COMMD1: variants seen among roughly 807,000 people sequenced by gnomAD.
COMMD1 encodes the protein copper metabolism domain containing 1.
A neutral mutation model predicts 17.2 loss-of-function variants in COMMD1; 10 were observed. The ratio of observed to expected loss-of-function variants is 0.58; its 90% confidence interval spans 0.36 to 0.99. The LOEUF (loss-of-function observed/expected upper bound fraction) is 0.99. COMMD1 is among the 50% of genes least tolerant of loss of function. COMMD1 has a pLI of 0.01. For missense variants in COMMD1, 270 were observed against 231.8 expected (o/e 1.17, Z -1.07); for synonymous variants, 97 against 91.6 (o/e 1.06, Z -0.34).
chr2:61,904,306 C>T (rs114477326), upstream of COMMD1, among the ~76,000 whole-genome samples: 1,086 of 152,272 alleles, frequency 7.1e-3, 14 homozygotes, highest in African/African-American at 0.024. Flanking sequence ...CCACCGTGCC[C>T]GGCAACACAA....
In COMMD1 at chr2:61,944,582, A is replaced by C. The variant is rs558369331; in HGVS notation, c.180+38724A>C. 3.3e-5 allele frequency among the ~76,000 whole-genome samples: 5 copies of C among 152,258 alleles called. No individual in the cohort carries two copies. The South Asian group carries it at 1.0e-3, about 32-fold the overall frequency. ...CACTTCCTGTAAACTGTCCTCAGCCACTCTTAACTTTGTAGCTCTCATCTG... is the reference window on the plus strand; with the variant it reads ...CACTTCCTGTAAACTGTCCTCAGCCCCTCTTAACTTTGTAGCTCTCATCTG... On this transcript the variant is annotated intron_variant, in intron 1 of 2. Transcript: ENST00000311832.
chr2:61,956,980 A>G (rs1254217308), intron 1 of COMMD1, among the ~76,000 whole-genome samples: 1 of 151,010 alleles, frequency 6.6e-6, no homozygotes, highest in Non-Finnish European at 1.5e-5. Flanking sequence ...CGAACTCCTG[A>G]CCTCAAGTGA....
At chr2:61,942,586 C>G (rs1670781094) in intron 1 of COMMD1, among the ~76,000 whole-genome samples, 1 of 133,532 alleles carries the variant, frequency 7.5e-6, no homozygotes, top group Admixed American at 8.6e-5. Flanking sequence ...GTTGCCCAGG[C>G]TGAAGGGCAG....
chr2:62,021,819 A>G (rs900400011), intron 2 of COMMD1, among the ~76,000 whole-genome samples: 36 of 152,206 alleles, frequency 2.4e-4, no homozygotes, highest in Non-Finnish European at 8.8e-5. Context: ...CATGCTTTCA[A>G]AAATTGGCTT....
At chr2:61,905,912 C>CT in intron 1 of COMMD1, 54 bp downstream of exon 1, 2 of 1,566,248 alleles carry the variant, frequency 1.3e-6, no homozygotes, top group Admixed American at 3.4e-5. Flanking sequence ...TGGCCGCTGG[C>CT]TTCAGACTCT....
chr2:61,888,646 A>C, upstream of COMMD1: 2 of 995,646 alleles, frequency 2.0e-6, 1 homozygote, highest in Non-Finnish European at 2.8e-6. Flanking sequence ...GAGGAGGCGG[A>C]GGCGGAGAAG....
At chr2:61,891,578 A>G (rs1159996832) in intron 1 of COMMD1, among the ~76,000 whole-genome samples, 4 of 151,902 alleles carry the variant, frequency 2.6e-5, no homozygotes, top group Non-Finnish European at 5.9e-5. Context: ...AAATACAAAA[A>G]TTAGCCAGGC....
intron 1 of COMMD1, among the ~76,000 whole-genome samples, chr2:61,943,272 C>G (rs1258961163): frequency 6.6e-6 from 1 of 152,218 alleles, no homozygotes; most frequent in Non-Finnish European, 1.5e-5. Flanking sequence ...CCTTCCATTA[C>G]ACAACCACTT....
intron 1 of COMMD1, among the ~76,000 whole-genome samples, chr2:61,991,068 TGA>T (rs1484626674): frequency 6.6e-6 from 1 of 151,546 alleles, no homozygotes; most frequent in African/African-American, 2.4e-5. Flanking sequence ...TCCAGCTGGG[TGA>T]GAGAGGAAGA....
chr2:61,927,921 C>T (rs1264727735), intron 1 of COMMD1, among the ~76,000 whole-genome samples: 3 of 152,126 alleles, frequency 2.0e-5, no homozygotes, highest in African/African-American at 4.8e-5. Flanking sequence ...CATGCCACCA[C>T]GCCTGGCTAA....
At chr2:61,960,048 G>A (rs1671298023) in intron 1 of COMMD1, among the ~76,000 whole-genome samples, 1 of 152,194 alleles carries the variant, frequency 6.6e-6, no homozygotes, top group Admixed American at 6.5e-5. Context: ...ATGGACTATG[G>A]ACTGGGGCTT....
chr2:62,066,241 T>TC (rs924961376), intron 2 of COMMD1, among the ~76,000 whole-genome samples: 4 of 152,014 alleles, frequency 2.6e-5, no homozygotes, highest in Non-Finnish European at 4.4e-5. Context: ...ACTTTTTTTT[T>TC]CCCCCACTAC....
intron 1 of COMMD1, among the ~76,000 whole-genome samples, chr2:61,908,919 TTTTTG>T (rs1284374123): frequency 6.6e-6 from 1 of 152,142 alleles, no homozygotes; most frequent in African/African-American, 2.4e-5. Flanking sequence ...TTTTAATTTA[TTTTTG>T]TTTTAATATT....
chr2:61,956,292 A>G (rs920566843), intron 1 of COMMD1, among the ~76,000 whole-genome samples: 2 of 152,234 alleles, frequency 1.3e-5, no homozygotes, highest in South Asian at 4.1e-4. Context: ...TTATTTCTGG[A>G]CTGTGAATTC....
At chr2:61,919,104 CA>C (rs1471946136) in intron 1 of COMMD1, among the ~76,000 whole-genome samples, 5 of 151,158 alleles carry the variant, frequency 3.3e-5, no homozygotes, top group Non-Finnish European at 7.4e-5. Context: ...CTCTGCCTCT[CA>C]GGTTTAAGCG....
intron 1 of COMMD1, among the ~76,000 whole-genome samples, chr2:61,906,926 T>G (rs1310596694): frequency 6.6e-6 from 1 of 152,234 alleles, no homozygotes; most frequent in East Asian, 1.9e-4. Context: ...TGTATTTTTT[T>G]AAACTGATTT....
At chr2:62,005,956 C>T (rs1281932412) in intron 2 of COMMD1, among the ~76,000 whole-genome samples, 1 of 151,660 alleles carries the variant, frequency 6.6e-6, no homozygotes, top group African/African-American at 2.4e-5. Flanking sequence ...AAATGTCCAA[C>T]AATGATAGAC....
At chr2:62,080,744 C>T (rs1042925145) in intron 2 of COMMD1, among the ~76,000 whole-genome samples, 29 of 150,590 alleles carry the variant, frequency 1.9e-4, no homozygotes, top group African/African-American at 7.1e-4. Context: ...CCTGCAAATA[C>T]AAACATAATC....
At chr2:61,910,376 T>C (rs1390341232) in intron 1 of COMMD1, among the ~76,000 whole-genome samples, 1 of 151,662 alleles carries the variant, frequency 6.6e-6, no homozygotes, top group Non-Finnish European at 1.5e-5. Context: ...ACCTCCTGAG[T>C]AGCTGGGATT....
Sources: gnomAD v4.1 joint callset for allele counts (sites outside exome capture counted in the v4.1 genomes callset) on GRCh38, gnomAD v4.1.1 for gene constraint, MANE v1.5 for transcripts, NCBI Gene and HGNC (gene_info 2026-07-23, HGNC 2026-07-21) for gene names.